The following STPG1 variants were observed in gnomAD, a reference collection of about 807,000 sequenced individuals.
The protein encoded by STPG1 is sperm tail PG-rich repeat containing 1, also known as O(6)-methylguanine-induced apoptosis 2.
In STPG1, 33 loss-of-function variants were observed where a neutral mutation model predicts 40.1. That is an observed-to-expected ratio of 0.82 (90% CI 0.62 to 1.10). STPG1 has a LOEUF of 1.10. Ranked by LOEUF, STPG1 falls within the 50% of genes least tolerant of loss-of-function variation. The probability of loss-of-function intolerance (pLI) is 0.00; values close to 1 mark genes in which losing one functional copy is unlikely to be tolerated. For synonymous variants in STPG1, 150 were observed against 155.0 expected, an observed-to-expected ratio of 0.97 and a Z score of 0.24; for missense variants, 396 against 415.1, an observed-to-expected ratio of 0.95 and a Z score of 0.40.
Position 24,393,341 on chromosome 1 carries a change from TCTC to T in STPG1, c.71-1665_71-1663del, listed in dbSNP as rs1286870571. On this transcript the variant is annotated intron_variant, in intron 2 of 8. Transcript: ENST00000337248. The stretch of plus-strand genomic sequence containing the variant: ...TACCAATATACAGTAAATGTATTCT[TCTC>T]CTCCCCTCCCCATTTAAGTAGATGA... Among the ~76,000 whole-genome samples, 8 of 152,326 alleles carry T rather than the reference TCTC, an allele frequency of 5.3e-5. No individual in the cohort carries two copies. The East Asian group carries it at 9.6e-4, about 18-fold the overall frequency.
At chr1:24,408,897 C>T (rs1412739138) in intron 1 of STPG1, among the ~76,000 whole-genome samples, 1 of 152,176 alleles carries the variant, frequency 6.6e-6, no homozygotes, top group Non-Finnish European at 1.5e-5. Flanking sequence ...GTAATCCTCA[C>T]AGCAGCAATT....
chr1:24,382,917 C>CTT lies in STPG1; in HGVS notation c.291+983_291+984dup, dbSNP rs56972835. Among the ~76,000 whole-genome samples the CTT allele has an allele frequency of 2.4e-3, 322 of 133,494 alleles. 11 individuals are homozygous for CTT. The highest frequency in any genetic ancestry group is 8.7e-3 in the African/African-American group (298 of 34,284). 87.6% of individuals were successfully genotyped at this position (133,494 alleles called of 152,430 possible). On this transcript the variant is annotated intron_variant, in intron 4 of 8. Transcript: ENST00000337248. ...AGAGTCTGGGCTTGCTTTCTTTTCA[C>CTT]TTTTTTTTTTTTTGGACAGAGTCTG...
intron 5 of STPG1, among the ~76,000 whole-genome samples, 195 bp from the exon 6 acceptor site, chr1:24,374,005 A>C (rs1362437339): frequency 1.3e-5 from 2 of 152,128 alleles, no homozygotes; most frequent in African/African-American, 4.8e-5. Context: ...GTGGTCTATG[A>C]GTTTGTGATC....
chr1:24,368,607 T>C (rs569191471), intron 7 of STPG1: 1 of 152,368 alleles, frequency 6.6e-6, no homozygotes, highest in East Asian at 1.9e-4. Flanking sequence ...ATGTGTAGGA[T>C]ATTAAACAGG....
chr1:24,370,756 G>A (rs550422233), intron 6 of STPG1, among the ~76,000 whole-genome samples: 2 of 151,606 alleles, frequency 1.3e-5, no homozygotes, highest in African/African-American at 4.8e-5. Flanking sequence ...CTCCCAAAGT[G>A]CTGGGATTAT....
At chr1:24,402,518 T>C (rs1439799280) in intron 1 of STPG1, among the ~76,000 whole-genome samples, 1 of 151,930 alleles carries the variant, frequency 6.6e-6, no homozygotes, top group East Asian at 1.9e-4. Flanking sequence ...TCCCAACACC[T>C]TGGGAGGCTG....
At chr1:24,364,239 T>C (rs1433210799) in intron 7 of STPG1, 3 of 1,547,912 alleles carry the variant, frequency 1.9e-6, no homozygotes, top group South Asian at 1.2e-5. Context: ...CTGACTGTCT[T>C]GAATGTTCCC....
At chr1:24,406,644 A>T (rs1643425641) in intron 1 of STPG1, among the ~76,000 whole-genome samples, 1 of 152,068 alleles carries the variant, frequency 6.6e-6, no homozygotes, top group Non-Finnish European at 1.5e-5. Context: ...GTATAGAATT[A>T]TGGGTTCATA....
intron 7 of STPG1, 80 bp from the exon 8 acceptor site, chr1:24,361,121 T>C (rs1258674971): frequency 6.3e-6 from 8 of 1,278,760 alleles, no homozygotes; most frequent in Non-Finnish European, 8.5e-6. Context: ...AGCCAAGACC[T>C]GCACAGCAGC....
chr1:24,372,465 G>T (rs1306648942), intron 6 of STPG1, among the ~76,000 whole-genome samples: 1 of 152,214 alleles, frequency 6.6e-6, no homozygotes, highest in Non-Finnish European at 1.5e-5. Context: ...GGGCTTCTCA[G>T]GATCCCCCCA....
At chr1:24,391,724 T>A in intron 2 of STPG1, 45 bp from the exon 3 acceptor site, 1 of 1,394,196 alleles carries the variant, frequency 7.2e-7, no homozygotes, top group Middle Eastern at 1.8e-4. Context: ...TACAAAACAA[T>A]GATTGACAAA....
At chr1:24,392,758 G>C (rs922192428) in intron 2 of STPG1, among the ~76,000 whole-genome samples, 1 of 152,090 alleles carries the variant, frequency 6.6e-6, no homozygotes, top group African/African-American at 2.4e-5. Flanking sequence ...TTTGGGTGGG[G>C]GGGTGCATCC....
chr1:24,359,343 T>C lies in STPG1; in HGVS notation c.929-724A>G, dbSNP rs1394571246. On this transcript the variant is annotated intron_variant, in intron 8 of 8. Transcript: ENST00000337248. The surrounding 1 kb of genome is among the most constrained non-coding windows in gnomAD (Gnocchi z 5.3). ...TCATTCGGGCAATGCTTCCAGAGGA[T>C]GTGGTAGAGCAGGGTCAAAGCAGGA... is the stretch of plus-strand genomic sequence containing the variant. 1.3e-5 allele frequency among the ~76,000 whole-genome samples: 2 copies of C among 152,222 alleles called. No homozygotes were observed. Among genetic ancestry groups the C allele is most frequent in the African/African-American group, 4.8e-5 (2 of 41,454 alleles).
rs1643137437 is a variant in STPG1, at chr1:24,399,591, G to T, written c.70+1728C>A. On this transcript the variant is annotated intron_variant, in intron 2 of 8. Coordinates refer to ENST00000337248, the MANE Select transcript of STPG1 (RefSeq NM_001199013.2). This position sits in a 1 kb window ranked among gnomAD's most constrained non-coding sequence, Gnocchi z 4.0. ...TGTGTCTTAGCACATTGTTAAGAGA[G>T]TGAAAAGGAAAGTCCCAGGATAAGG... 6.6e-6 allele frequency among the ~76,000 whole-genome samples: 1 copy of T among 152,114 alleles called. No homozygotes were observed.
intron 7 of STPG1, among the ~76,000 whole-genome samples, chr1:24,365,986 C>T (rs766768703): frequency 9.9e-5 from 15 of 152,160 alleles, no homozygotes; most frequent in Non-Finnish European, 2.1e-4. Context: ...TGGTCATATC[C>T]AGCCATCCTC....
At chr1:24,385,617 A>G (rs1159477305) in intron 3 of STPG1, among the ~76,000 whole-genome samples, 1 of 152,238 alleles carries the variant, frequency 6.6e-6, no homozygotes, top group African/African-American at 2.4e-5. Flanking sequence ...ATTTTAAAGA[A>G]GTTGGGGCCA....
intron 6 of STPG1, 127 bp from the exon 7 acceptor site, chr1:24,369,966 G>A: frequency 2.8e-6 from 2 of 726,382 alleles, no homozygotes; most frequent in East Asian, 2.8e-5. Flanking sequence ...CCAAGTGGAA[G>A]GGCTGACTGA....
At chr1:24,373,885 G>T in intron 5 of STPG1, 75 bp from the exon 6 acceptor site, 1 of 1,085,784 alleles carries the variant, frequency 9.2e-7, no homozygotes, top group South Asian at 1.4e-5. Context: ...CTGGACAAGT[G>T]GCAAATCTAC....
rs1364202203 is a variant in STPG1 at position 24,369,338 on chromosome 1, T to TCA, written c.737+335_737+336insTG. ...AAGACTTAGTCCTGAGCCAATTCCC[T>TCA]GTGGCTCCTCAAGTTGGCTGTGTGG... On this transcript the variant is annotated intron_variant, in intron 7 of 8. Coordinates refer to ENST00000337248, the MANE Select transcript of STPG1 (RefSeq NM_001199013.2). 14 of 504,986 alleles carry TCA rather than the reference T, an allele frequency of 2.8e-5. 1 individual carries two copies. Among genetic ancestry groups the TCA allele is most frequent in the Non-Finnish European group, 4.8e-5 (12 of 249,950 alleles). 31.3% of individuals were successfully genotyped at this position (504,986 alleles called of 1,614,324 possible). A position where few individuals can be genotyped will look rare whatever the true frequency, so the allele number is the denominator to read the frequency against.
Sources: allele counts gnomAD v4.1 joint callset (sites outside exome capture counted in the v4.1 genomes callset), GRCh38; gene constraint gnomAD v4.1.1; non-coding constraint Gnocchi (gnomAD v3.1); transcripts MANE v1.5; gene names NCBI Gene and HGNC (gene_info 2026-07-23, HGNC 2026-07-21).